Variants in MAML1 observed in about 807,000 individuals in gnomAD.
MAML1 encodes the protein mastermind-like protein 1.
MAML1 carries 14 observed loss-of-function variants against 77.1 expected under a neutral mutation model. The observed-to-expected ratio is 0.18, with a 90% confidence interval of 0.12 to 0.28. The LOEUF is 0.28. Among genes scored for constraint, MAML1 ranks in the 10% least tolerant of loss-of-function variants. MAML1 has a pLI of 1.00. For missense variants in MAML1, 1,217 were observed against 1,327.8 expected (o/e 0.92, Z 1.30); for synonymous variants, 516 against 551.9 (o/e 0.93, Z 0.91).
intron 2 of MAML1, among the ~76,000 whole-genome samples, chr5:179,767,414 T>C (rs1332027891): frequency 5.3e-5 from 8 of 152,376 alleles, no homozygotes; most frequent in Non-Finnish European, 5.9e-5. Context: ...TGAGAGTGTG[T>C]AAATGAGCTC....
intron 1 of MAML1, among the ~76,000 whole-genome samples, chr5:179,746,213 G>T (rs554480512): frequency 5.0e-4 from 76 of 151,882 alleles, no homozygotes; most frequent in African/African-American, 1.7e-3. Context: ...GGGTGTGGTG[G>T]CTGTTGCCTG....
intron 4 of MAML1, among the ~76,000 whole-genome samples, chr5:179,773,033 C>T (rs527515029): frequency 4.6e-4 from 70 of 152,156 alleles, no homozygotes; most frequent in Non-Finnish European, 7.9e-4. Flanking sequence ...TGGGGGCGCG[C>T]GCCGCCACGC....
At chr5:179,736,451 C>T (rs533972348) in intron 1 of MAML1, among the ~76,000 whole-genome samples, 2 of 151,352 alleles carry the variant, frequency 1.3e-5, no homozygotes, top group Non-Finnish European at 2.9e-5. Flanking sequence ...CGGGGTTTCA[C>T]CATGTTGGCC....
intron 1 of MAML1, among the ~76,000 whole-genome samples, chr5:179,752,325 C>CAAA (rs1177449054): frequency 5.6e-5 from 3 of 53,676 alleles, no homozygotes; most frequent in South Asian, 9.9e-4. Flanking sequence ...ACTCTGTCTC[C>CAAA]AAAAAAAAAA....
In MAML1 at chr5:179,752,325, CAAAAAAAAA is replaced by C. The variant is rs1177449054; in HGVS notation, c.316-12983_316-12975del. ...TGGCAACAGAGCTAGACTCTGTCTC[CAAAAAAAAA>C]AAAAAAAAAAAAAAAAATATATATA... is the stretch of plus-strand genomic sequence containing the variant. On this transcript the variant is annotated intron_variant, in intron 1 of 4. Transcript: ENST00000292599. Among the ~76,000 whole-genome samples the C allele has an allele frequency of 1.9e-4, 10 of 53,668 alleles. No individual in the cohort carries two copies. The East Asian group carries it at 2.0e-3, about 11-fold the overall frequency. 35.2% of individuals were successfully genotyped at this position (53,668 alleles called of 152,430 possible).
intron 1 of MAML1, among the ~76,000 whole-genome samples, chr5:179,760,712 G>A (rs1779708318): frequency 6.6e-6 from 1 of 152,106 alleles, no homozygotes; most frequent in African/African-American, 2.4e-5. Flanking sequence ...CAGGAGAAGG[G>A]GAGACTTCTC....
chr5:179,763,682 C>T (rs957041219), intron 1 of MAML1, among the ~76,000 whole-genome samples: 7 of 152,070 alleles, frequency 4.6e-5, no homozygotes, highest in African/African-American at 1.7e-4. Context: ...AACTGATGCC[C>T]GTGGAGTTGC....
intron 4 of MAML1, among the ~76,000 whole-genome samples, chr5:179,772,276 G>A (rs1278123336): frequency 6.6e-6 from 1 of 151,996 alleles, no homozygotes; most frequent in East Asian, 1.9e-4. Context: ...CTGCCACCAC[G>A]CCCGGCTCAT....
At chr5:179,760,222 A>G (rs1015970222) in intron 1 of MAML1, among the ~76,000 whole-genome samples, 6 of 152,064 alleles carry the variant, frequency 3.9e-5, no homozygotes, top group African/African-American at 1.4e-4. Context: ...TGTCGAAGGC[A>G]CTGGGGTCTC....
chr5:179,759,391 G>C (rs1217134518), intron 1 of MAML1, among the ~76,000 whole-genome samples: 1 of 152,176 alleles, frequency 6.6e-6, no homozygotes, highest in Non-Finnish European at 1.5e-5. Context: ...GTGAGATCCT[G>C]AATTCACTGG....
chr5:179,745,338 G>T (rs1779358250), intron 1 of MAML1, among the ~76,000 whole-genome samples: 1 of 152,154 alleles, frequency 6.6e-6, no homozygotes, highest in African/African-American at 2.4e-5. Flanking sequence ...TGTAGCCAAA[G>T]TAAGAGTTCT....
At chr5:179,741,672 C>T (rs964801167) in intron 1 of MAML1, among the ~76,000 whole-genome samples, 13 of 126,878 alleles carry the variant, frequency 1.0e-4, no homozygotes, top group African/African-American at 3.4e-4. Context: ...GGTGGCAGAG[C>T]GAGACTGTCT....
intron 2 of MAML1, among the ~76,000 whole-genome samples, chr5:179,768,274 T>A (rs1456719813): frequency 6.6e-6 from 1 of 151,994 alleles, no homozygotes; most frequent in East Asian, 1.9e-4. Context: ...GTGACCAACA[T>A]GGAGAAACCC....
chr5:179,777,149 GTCATCAAAAGT>G lies in MAML1; in HGVS notation c.*2277_*2287del. On this transcript the variant is annotated 3_prime_UTR_variant, in exon 5 of 5. Coordinates refer to ENST00000292599, the MANE Select transcript of MAML1 (RefSeq NM_014757.5). Reference sequence around the variant, plus strand: ...CGGTTGGTATTGTTAACTTTTTATTGTCATCAAAAGTTCATAAAAGTCCTATTAATCCCCAT... The same window carrying G: ...CGGTTGGTATTGTTAACTTTTTATTGTCATAAAAGTCCTATTAATCCCCAT... The G allele has an allele frequency of 1.0e-6, 1 of 985,100 alleles. No individual in the cohort carries two copies. The highest frequency in any genetic ancestry group is 1.1e-4 in the East Asian group (1 of 8,822). 61.0% of individuals were successfully genotyped at this position (985,100 alleles called of 1,614,324 possible).
chr5:179,775,190 C>T lies in MAML1; in HGVS notation c.*313C>T, dbSNP rs1756108136. 1.8e-6 allele frequency: 2 copies of T among 1,087,436 alleles called. No individual in the cohort carries two copies. The highest frequency in any genetic ancestry group is 2.2e-6 in the Non-Finnish European group (2 of 895,152). The allele number at this position is 1,087,436 out of a possible 1,614,324, so 67.4% of individuals were successfully genotyped here. On this transcript the variant is annotated 3_prime_UTR_variant, in exon 5 of 5. Transcript: ENST00000292599. ...ACCAACAGTAACACCAGTGAAACCC[C>T]ACACTGTCGGGCTTATAAAAATCTG...
At chr5:179,736,500 A>C (rs1313090840) in intron 1 of MAML1, among the ~76,000 whole-genome samples, 2 of 150,812 alleles carry the variant, frequency 1.3e-5, no homozygotes, top group Non-Finnish European at 3.0e-5. Context: ...ATCCTCCCGC[A>C]CTGGCCTCCC....
chr5:179,776,774 T>A lies in MAML1; in HGVS notation c.*1897T>A, dbSNP rs141085395. 3.9e-4 allele frequency: 387 copies of A among 985,894 alleles called. 2 individuals carry two copies. The African/African-American group carries it at 6.2e-3, about 16-fold the overall frequency. 61.1% of individuals were successfully genotyped at this position (985,894 alleles called of 1,614,324 possible). On this transcript the variant is annotated 3_prime_UTR_variant, in exon 5 of 5. Coordinates refer to ENST00000292599, the MANE Select transcript of MAML1 (RefSeq NM_014757.5). ...CTTAGTCCTGGGGCCGGCGACACAG[T>A]GGGGGCTCCTCACTTGCTGCAGTGT...
intron 1 of MAML1, among the ~76,000 whole-genome samples, chr5:179,762,277 G>C (rs1245527880): frequency 6.6e-6 from 1 of 152,210 alleles, no homozygotes; most frequent in Non-Finnish European, 1.5e-5. Flanking sequence ...ACAGGATGCT[G>C]CTTAGGAGTC....
chr5:179,752,395 GA>G (rs1412821291), intron 1 of MAML1, among the ~76,000 whole-genome samples: 13 of 127,942 alleles, frequency 1.0e-4, no homozygotes, highest in Non-Finnish European at 2.0e-4. Context: ...AAGATATTAA[GA>G]TTTTTTCTCA....
Sources: gnomAD v4.1 joint callset for allele counts (sites outside exome capture counted in the v4.1 genomes callset) on GRCh38, gnomAD v4.1.1 for gene constraint, MANE v1.5 for transcripts, NCBI Gene and HGNC (gene_info 2026-07-23, HGNC 2026-07-21) for gene names.